The following NHSL1 variants were observed in gnomAD, a reference collection of about 807,000 sequenced individuals.
The protein encoded by NHSL1 is NHS like 1.
Under a neutral mutation model 95.0 loss-of-function variants are expected in NHSL1, and 48 were observed. The ratio of observed to expected loss-of-function variants is 0.51; its 90% CI spans 0.40 to 0.64. The LOEUF (loss-of-function observed/expected upper bound fraction) is 0.64, where lower values mean the gene tolerates loss of function less well. Among genes scored for constraint, NHSL1 ranks in the 30% least tolerant of loss-of-function variants. The probability of loss-of-function intolerance (pLI) is 0.00; values close to 1 mark genes in which losing one functional copy is unlikely to be tolerated. For synonymous variants in NHSL1, 783 were observed against 833.9 expected, an observed-to-expected ratio of 0.94 and a Z score of 1.05; for missense variants, 1,971 against 2,077.7, an observed-to-expected ratio of 0.95 and a Z score of 1.00.
At position 138,449,791 on chromosome 6, in the gene NHSL1, CAAT is replaced by C. The variant is rs141007097; in HGVS notation, c.340-2601_340-2599del. On this transcript the variant is annotated intron_variant, in intron 3 of 7. Coordinates refer to ENST00000343505, the MANE Select transcript of NHSL1 (RefSeq NM_001144060.2). Reference sequence around the variant, plus strand: ...TTTTTTTCTTTTACAAGGAGACTAACAATAATAAAGGCATGTGGAAAAGATAAA... The same window carrying C: ...TTTTTTTCTTTTACAAGGAGACTAACAATAAAGGCATGTGGAAAAGATAAA... Among the ~76,000 whole-genome samples, 1,155 of 151,610 alleles carry C rather than the reference CAAT, an allele frequency of 7.6e-3. 30 individuals carry two copies. The highest frequency in any genetic ancestry group is 0.066 in the East Asian group (343 of 5,168).
At chr6:138,584,748 C>T (rs1041629192) in intron 1 of NHSL1, among the ~76,000 whole-genome samples, 3 of 152,194 alleles carry the variant, frequency 2.0e-5, no homozygotes, top group African/African-American at 4.8e-5. Context: ...CAAAGAAGGA[C>T]GAAGTACCTC....
upstream of NHSL1, among the ~76,000 whole-genome samples, chr6:138,576,740 TTGAAATGGC>T (rs1165962791): frequency 2.6e-5 from 4 of 152,190 alleles, no homozygotes; most frequent in South Asian, 8.3e-4. Context: ...AGCCCCAGGG[TTGAAATGGC>T]TGAAATGGCT....
chr6:138,626,777 C>A (rs1784743989), intron 1 of NHSL1, among the ~76,000 whole-genome samples: 1 of 113,274 alleles, frequency 8.8e-6, no homozygotes, highest in Non-Finnish European at 1.8e-5. Context: ...GCCTGTCGTC[C>A]CAGCTACTTG....
rs538865205 is a variant in NHSL1 at position 138,423,808 on chromosome 6, C to G, written c.*273G>C. The G allele has an allele frequency of 3.5e-6, 1 of 288,620 alleles. No homozygotes were observed. The highest frequency in any genetic ancestry group is 5.7e-6 in the Non-Finnish European group (1 of 174,336). 17.9% of individuals were successfully genotyped at this position (288,620 alleles called of 1,614,324 possible). ...GGAAAATGCACACATACACACCCAGCATTTAGCAAAAAAAAAAAAAAAAAA... is the reference window on the plus strand; with the variant it reads ...GGAAAATGCACACATACACACCCAGGATTTAGCAAAAAAAAAAAAAAAAAA... On this transcript the variant is annotated 3_prime_UTR_variant, in exon 8 of 8. Coordinates refer to ENST00000343505, the MANE Select transcript of NHSL1 (RefSeq NM_001144060.2).
intron 1 of NHSL1, among the ~76,000 whole-genome samples, chr6:138,690,192 C>T (rs764515396): frequency 2.6e-5 from 4 of 152,154 alleles, no homozygotes; most frequent in Non-Finnish European, 5.9e-5. Context: ...TGAAGACCTG[C>T]CTAAAATGGC....
chr6:138,468,955 C>A (rs1778571615), intron 3 of NHSL1, among the ~76,000 whole-genome samples: 1 of 152,172 alleles, frequency 6.6e-6, no homozygotes, highest in Non-Finnish European at 1.5e-5. Flanking sequence ...TAGTCTCTGG[C>A]ACATAGAAGG....
At chr6:138,532,628 C>T (rs932739912) in intron 1 of NHSL1, among the ~76,000 whole-genome samples, 5 of 152,108 alleles carry the variant, frequency 3.3e-5, no homozygotes, top group South Asian at 4.1e-4. Flanking sequence ...CACAAAATCA[C>T]CCCATCAAGC....
At chr6:138,526,018 GGGA>G (rs1781889705) in intron 1 of NHSL1, among the ~76,000 whole-genome samples, 2 of 151,548 alleles carry the variant, frequency 1.3e-5, no homozygotes, top group Admixed American at 6.6e-5. Flanking sequence ...GCTTGAACCT[GGGA>G]GGAGGAGGTT....
intron 1 of NHSL1, among the ~76,000 whole-genome samples, chr6:138,541,271 G>T (rs1212893695): frequency 6.6e-6 from 1 of 152,132 alleles, no homozygotes; most frequent in Admixed American, 6.5e-5. Context: ...GGAGGCTCAG[G>T]CAAGAGAATC....
chr6:138,500,201 T>A (rs1280723253), upstream of NHSL1, among the ~76,000 whole-genome samples: 3 of 152,224 alleles, frequency 2.0e-5, no homozygotes, highest in Admixed American at 2.0e-4. Context: ...GCTCCTGGTT[T>A]TCAGAATTCC....
chr6:138,460,230 C>T (rs1562292873), intron 3 of NHSL1, among the ~76,000 whole-genome samples: 1 of 151,178 alleles, frequency 6.6e-6, no homozygotes, highest in African/African-American at 2.4e-5. Context: ...GATAAGATTT[C>T]TTTTTTTTTA....
intron 3 of NHSL1, among the ~76,000 whole-genome samples, chr6:138,466,568 G>C (rs1778395139): frequency 6.6e-6 from 1 of 152,142 alleles, no homozygotes; most frequent in African/African-American, 2.4e-5. Flanking sequence ...CTTTCTAACA[G>C]AGCAAAATTA....
chr6:138,587,406 A>AC, intron 1 of NHSL1, among the ~76,000 whole-genome samples: 1 of 148,244 alleles, frequency 6.7e-6, no homozygotes, highest in Admixed American at 6.8e-5. Flanking sequence ...ACATGGTGAA[A>AC]CCCCATCTCT....
At chr6:138,446,171 G>A (rs559522578) in intron 4 of NHSL1, among the ~76,000 whole-genome samples, 2 of 151,966 alleles carry the variant, frequency 1.3e-5, no homozygotes, top group South Asian at 2.1e-4. Flanking sequence ...CAGAGTAGCT[G>A]GGATTACACG....
In NHSL1 at chr6:138,433,230, C is replaced by T; in HGVS notation, c.1115G>A (p.Gly372Asp). ...QADENLGHLG[G>D]ASGTGTLLRP... ...CAAAAGTGTTCCAGTCCCTGAGGCACCTCCTAAATGGCCTAAGTTTTCATC... is the reference window on the plus strand; with the variant it reads ...CAAAAGTGTTCCAGTCCCTGAGGCATCTCCTAAATGGCCTAAGTTTTCATC... The change falls in exon 6 of 8, where the codon GGT becomes GAT. Residue 372 changes from glycine to aspartate, a missense_variant. Physicochemically the swap from Gly to Asp is moderately conservative, Grantham distance 94. Around this residue, in one of 3 missense-constraint regions of NHSL1, gnomAD observed 1,602 missense variants for 1,654.5 expected, o/e 0.97. Transcript: ENST00000343505. The T allele has an allele frequency of 6.4e-7, 1 of 1,551,364 alleles. No individual in the cohort carries two copies. Among genetic ancestry groups the T allele is most frequent in the Non-Finnish European group, 8.7e-7 (1 of 1,146,834 alleles).
At chr6:138,429,031 T>C (rs1775449556) in intron 7 of NHSL1, among the ~76,000 whole-genome samples, 1 of 152,224 alleles carries the variant, frequency 6.6e-6, no homozygotes, top group African/African-American at 2.4e-5. Context: ...ACTTCAGTGC[T>C]AAATCATATT....
chr6:138,499,221 G>T lies in NHSL1; in HGVS notation c.58+12C>A. The stretch of plus-strand genomic sequence containing the variant: ...CACACAATAGGTAGTAGAGAGAAAA[G>T]GAACTACTTACTTTTCTTCTTAAAA... On this transcript the variant is annotated intron_variant, in intron 1 of 7. Transcript: ENST00000343505. The T allele has an allele frequency of 4.0e-6, 6 of 1,515,498 alleles. No individual in the cohort carries two copies. Among genetic ancestry groups the T allele is most frequent in the Non-Finnish European group, 5.4e-6 (6 of 1,114,836 alleles). The allele number at this position is 1,515,498 out of a possible 1,614,324, so 93.9% of individuals were successfully genotyped here. A position where few individuals can be genotyped will look rare whatever the true frequency, so the allele number is the denominator to read the frequency against.
intron 1 of NHSL1, among the ~76,000 whole-genome samples, chr6:138,551,824 G>C (rs1283478775): frequency 6.6e-6 from 1 of 152,122 alleles, no homozygotes; most frequent in Non-Finnish European, 1.5e-5. Flanking sequence ...TTTTGCTCTG[G>C]ACACTGCCTC....
At chr6:138,607,448 C>T (rs1310398991) in intron 1 of NHSL1, among the ~76,000 whole-genome samples, 1 of 152,144 alleles carries the variant, frequency 6.6e-6, no homozygotes, top group South Asian at 2.1e-4. Context: ...AAAAAGCAAA[C>T]AAAGAATATT....
Sources: allele counts gnomAD v4.1 joint callset (sites outside exome capture counted in the v4.1 genomes callset), GRCh38; gene constraint gnomAD v4.1.1; regional missense constraint gnomAD v4.1.1; transcripts MANE v1.5; gene names NCBI Gene and HGNC (gene_info 2026-07-23, HGNC 2026-07-21).